The following PIBF1 variants were observed in gnomAD, a reference collection of about 807,000 sequenced individuals.
The protein encoded by PIBF1 is progesterone-induced-blocking factor 1.
A neutral mutation model predicts 112.5 loss-of-function variants in PIBF1; 90 were observed. The observed-to-expected ratio is 0.80, with a 90% confidence interval of 0.67 to 0.95. The LOEUF is 0.95. PIBF1 is among the 40% of genes least tolerant of loss of function. The pLI, the probability that PIBF1 is intolerant of heterozygous loss-of-function variation, is 0.00. For missense variants in PIBF1, 915 were observed against 852.3 expected (o/e 1.07, Z -0.92); for synonymous variants, 301 against 288.6 (o/e 1.04, Z -0.44).
intron 14 of PIBF1, among the ~76,000 whole-genome samples, chr13:72,936,079 G>A (rs2138793627): frequency 6.6e-6 from 1 of 152,044 alleles, no homozygotes; most frequent in African/African-American, 2.4e-5. Flanking sequence ...CCAGGTTGGA[G>A]CGCAGTGGTG....
intron 14 of PIBF1, among the ~76,000 whole-genome samples, chr13:72,936,741 CA>C (rs975401074): frequency 7.1e-4 from 108 of 152,118 alleles, no homozygotes; most frequent in African/African-American, 2.5e-3. Context: ...TGTTCATTTT[CA>C]AAGTTGTTTA....
chr13:72,848,786 C>T (rs959233255), intron 9 of PIBF1, among the ~76,000 whole-genome samples: 10 of 150,962 alleles, frequency 6.6e-5, no homozygotes, highest in African/African-American at 1.9e-4. Flanking sequence ...GAGCTGAGAT[C>T]GCGCCACTGC....
intron 5 of PIBF1, among the ~76,000 whole-genome samples, chr13:72,818,437 C>T (rs1406274333): frequency 2.6e-5 from 4 of 152,140 alleles, no homozygotes; most frequent in Non-Finnish European, 5.9e-5. Flanking sequence ...TGCCTTTTCT[C>T]CATTTTAACA....
At chr13:72,880,099 A>G (rs577450096) in intron 10 of PIBF1, among the ~76,000 whole-genome samples, 2 of 152,280 alleles carry the variant, frequency 1.3e-5, no homozygotes, top group African/African-American at 4.8e-5. Flanking sequence ...GCCTGAATAG[A>G]TGGGTCACCA....
chr13:72,898,373 A>G lies in PIBF1; in HGVS notation c.1488+4424A>G, dbSNP rs1045909819. On this transcript the variant is annotated intron_variant, in intron 11 of 17. Transcript: ENST00000326291. ...ACATCAAAAAGTCTGAAAGAGCACA[A>G]ACAGACAATCTAAGGTCACACCTCA... 5.8e-5 allele frequency among the ~76,000 whole-genome samples: 7 copies of G among 121,094 alleles called. No homozygotes were observed. The East Asian group carries it at 9.7e-4, about 17-fold the overall frequency. The allele number at this position is 121,094 out of a possible 152,430, so 79.4% of individuals were successfully genotyped here.
intron 13 of PIBF1, among the ~76,000 whole-genome samples, chr13:72,922,998 C>T (rs955797262): frequency 1.3e-5 from 2 of 152,184 alleles, no homozygotes; most frequent in Admixed American, 1.3e-4. Context: ...TGGGATCCTT[C>T]TGGCACATGT....
intron 5 of PIBF1, among the ~76,000 whole-genome samples, chr13:72,814,435 CAAAA>C (rs547722918): frequency 5.5e-5 from 4 of 73,134 alleles, no homozygotes; most frequent in African/African-American, 1.1e-4. Flanking sequence ...GACTTCGTCT[CAAAA>C]AAAAAAAAAA....
rs1463525590 is a variant in PIBF1 at position 72,981,438 on chromosome 13, G to A, written c.2049+7763G>A. 5.9e-5 allele frequency among the ~76,000 whole-genome samples: 9 copies of A among 152,154 alleles called. No homozygotes were observed. In the South Asian group the frequency reaches 1.2e-3, roughly 21 times the overall value. On this transcript the variant is annotated intron_variant, in intron 16 of 17. Transcript: ENST00000326291. ...GTGATAGGAAAGGAGATCCATAGCAGAGTCATGGGAATCAGCTTTAGACCA... is the reference window on the plus strand; with the variant it reads ...GTGATAGGAAAGGAGATCCATAGCAAAGTCATGGGAATCAGCTTTAGACCA...
At chr13:72,784,916 A>T (rs1021073101) in intron 2 of PIBF1, among the ~76,000 whole-genome samples, 1 of 152,066 alleles carries the variant, frequency 6.6e-6, no homozygotes, top group Non-Finnish European at 1.5e-5. Flanking sequence ...TCTGTCACCC[A>T]GGCTGGAGTT....
chr13:72,948,909 G>T (rs573869050), intron 14 of PIBF1, among the ~76,000 whole-genome samples: 10 of 152,174 alleles, frequency 6.6e-5, no homozygotes, highest in Non-Finnish European at 1.5e-4. Flanking sequence ...CTCCCACCAG[G>T]TTCTTCTGAT....
chr13:72,815,784 G>T (rs2036239517), intron 5 of PIBF1, among the ~76,000 whole-genome samples: 1 of 152,102 alleles, frequency 6.6e-6, no homozygotes, highest in African/African-American at 2.4e-5. Context: ...TCCCACATCA[G>T]CCGCTTGAGT....
intron 11 of PIBF1, among the ~76,000 whole-genome samples, chr13:72,898,779 C>T (rs2040376530): frequency 6.7e-6 from 1 of 148,706 alleles, no homozygotes; most frequent in Non-Finnish European, 1.5e-5. Flanking sequence ...GCTTGGGAGG[C>T]AGAGGTTGCA....
chr13:73,003,428 AT>A (rs1375406742), intron 17 of PIBF1, among the ~76,000 whole-genome samples: 2 of 151,504 alleles, frequency 1.3e-5, no homozygotes, highest in Non-Finnish European at 2.9e-5. Flanking sequence ...AATTTTTTGT[AT>A]TTTTTTGTAG....
chr13:72,894,758 T>TTA lies in PIBF1; in HGVS notation c.1488+822_1488+823dup, dbSNP rs201574463. Reference sequence around the variant, plus strand: ...ATATGTACAATATATAATATATATATTATATATATATATAGTGTGTGTGTG... The same window carrying TTA: ...ATATGTACAATATATAATATATATATTATATATATATATATAGTGTGTGTGTG... On this transcript the variant is annotated intron_variant, in intron 11 of 17. Transcript: ENST00000326291. Among the ~76,000 whole-genome samples, 428 of 133,564 alleles carry TTA rather than the reference T, an allele frequency of 3.2e-3. 4 individuals carry two copies. The highest frequency in any genetic ancestry group is 9.9e-3 in the African/African-American group (359 of 36,340). The allele number at this position is 133,564 out of a possible 152,430, so 87.6% of individuals were successfully genotyped here. A position where few individuals can be genotyped will look rare whatever the true frequency, so the allele number is the denominator to read the frequency against.
chr13:72,824,844 T>C (rs543405277), intron 6 of PIBF1, among the ~76,000 whole-genome samples: 1 of 152,324 alleles, frequency 6.6e-6, no homozygotes, highest in African/African-American at 2.4e-5. Flanking sequence ...TGGGATAAAC[T>C]GACGTCACAT....
At chr13:72,788,484 A>C (rs1369485805) in intron 2 of PIBF1, among the ~76,000 whole-genome samples, 1 of 152,226 alleles carries the variant, frequency 6.6e-6, no homozygotes, top group East Asian at 1.9e-4. Context: ...TTAGGAACCC[A>C]GGCTCCTTTT....
intron 10 of PIBF1, among the ~76,000 whole-genome samples, chr13:72,883,591 G>A (rs1350967183): frequency 1.3e-5 from 2 of 152,128 alleles, no homozygotes; most frequent in African/African-American, 4.8e-5. Context: ...AGGTTCAAGT[G>A]ATTGTCCTGC....
chr13:72,973,903 C>T, intron 16 of PIBF1: 1 of 470,276 alleles, frequency 2.1e-6, no homozygotes, highest in Non-Finnish European at 3.7e-6. Context: ...CACTGAATTT[C>T]CCCATATTAT....
intron 6 of PIBF1, among the ~76,000 whole-genome samples, chr13:72,826,379 T>C (rs1164703290): frequency 6.6e-6 from 1 of 152,168 alleles, no homozygotes; most frequent in African/African-American, 2.4e-5. Flanking sequence ...ACCAGGTGGG[T>C]CAGTGAAATA....
Sources: allele counts gnomAD v4.1 joint callset (sites outside exome capture counted in the v4.1 genomes callset), GRCh38; gene constraint gnomAD v4.1.1; transcripts MANE v1.5; gene names NCBI Gene and HGNC (gene_info 2026-07-23, HGNC 2026-07-21).